Variants in ACOX1 observed in about 807,000 individuals in gnomAD.
ACOX1 encodes peroxisomal acyl-coenzyme A oxidase 1.
In ACOX1, 41 loss-of-function variants were observed where a neutral mutation model predicts 75.5. That is an observed-to-expected ratio of 0.54 (90% CI 0.42 to 0.70). The LOEUF (loss-of-function observed/expected upper bound fraction) is 0.70. Ranked by LOEUF, ACOX1 falls within the 30% of genes least tolerant of loss-of-function variation. The probability of loss-of-function intolerance (pLI) is 0.00; values close to 1 mark genes in which losing one functional copy is unlikely to be tolerated. For synonymous variants in ACOX1, 303 were observed against 298.8 expected (o/e 1.01, Z -0.15); for missense variants, 630 against 837.5 (o/e 0.75, Z 3.06).
chr17:75,950,837 A>T lies in ACOX1; in HGVS notation c.1235T>A (p.Val412Asp). 3 of 1,614,198 alleles carry T rather than the reference A, an allele frequency of 1.9e-6. No homozygotes were observed. Among genetic ancestry groups the T allele is most frequent in the South Asian group, 2.2e-5 (2 of 91,086 alleles). The change falls in exon 9 of 14, where the codon GTC (valine) becomes GAC (aspartate). Residue 412 changes from valine to aspartate, a missense_variant. Coordinates refer to ENST00000293217, the MANE Select transcript of ACOX1 (RefSeq NM_004035.7). The surrounding 1 kb of genome is among the most constrained non-coding windows in gnomAD (Gnocchi z 4.3). ...SHCSGLPNIY[V>D]NFTPSCTFEG... ...AAAGGTACAGCTTGGGGTGAAATTG[A>T]CATAAATATTTGGAAGACCACTGCA...
intron 2 of ACOX1, among the ~76,000 whole-genome samples, chr17:75,975,475 T>G (rs955420858): frequency 6.6e-6 from 1 of 152,216 alleles, no homozygotes; most frequent in Non-Finnish European, 1.5e-5. Context: ...GTCTTTTCTA[T>G]CTTACATAAA....
intron 2 of ACOX1, among the ~76,000 whole-genome samples, chr17:75,976,866 C>T (rs187420801): frequency 1.3e-5 from 2 of 151,866 alleles, no homozygotes; most frequent in East Asian, 3.9e-4. Context: ...TACTGGAGTT[C>T]CTTTAAAATG....
chr17:75,978,858 C>G lies in ACOX1; in HGVS notation c.109+107G>C, dbSNP rs769664327. 1 of 1,597,936 alleles carries G rather than the reference C, an allele frequency of 6.3e-7. No homozygotes were observed. The highest frequency in any genetic ancestry group is 1.3e-5 in the African/African-American group (1 of 74,708). On this transcript the variant is annotated intron_variant, in intron 1 of 13. Coordinates refer to ENST00000293217, the MANE Select transcript of ACOX1 (RefSeq NM_004035.7). This position sits in a 1 kb window ranked among gnomAD's most constrained non-coding sequence, Gnocchi z 4.2. The stretch of plus-strand genomic sequence containing the variant: ...CCTCGAAGTGGGGGTCCCGGCTCCC[C>G]TAACGCTGGGCCAGAGGGCCTAGGC...
chr17:75,957,373 G>T lies in ACOX1; in HGVS notation c.538+86C>A, dbSNP rs966612499. 8.0e-6 allele frequency: 10 copies of T among 1,244,966 alleles called. No individual in the cohort carries two copies. In the East Asian group the frequency reaches 2.1e-4, roughly 26 times the overall value. The allele number at this position is 1,244,966 out of a possible 1,614,324, so 77.1% of individuals were successfully genotyped here. On this transcript the variant is annotated intron_variant, in intron 4 of 13. Transcript: ENST00000293217. ...TAGGATTTCACCACCAAGTCTGGCC[G>T]ACATTATCATAAAAGCTCTACATTC... is the stretch of plus-strand genomic sequence containing the variant.
chr17:75,961,190 G>A (rs893987685), intron 2 of ACOX1, among the ~76,000 whole-genome samples: 1 of 151,206 alleles, frequency 6.6e-6, no homozygotes, highest in Non-Finnish European at 1.5e-5. Context: ...CTACTCAGGA[G>A]GCTGAGGCAG....
intron 2 of ACOX1, among the ~76,000 whole-genome samples, chr17:75,961,662 G>C (rs905622650): frequency 1.3e-5 from 2 of 150,726 alleles, no homozygotes; most frequent in Non-Finnish European, 3.0e-5. Flanking sequence ...CAAGCTACTT[G>C]GGAGACTGAG....
At chr17:75,971,164 G>A (rs181199770) in intron 2 of ACOX1, among the ~76,000 whole-genome samples, 14 of 152,072 alleles carry the variant, frequency 9.2e-5, no homozygotes, top group African/African-American at 2.2e-4. Context: ...GGTGGCACAC[G>A]CCTCTAATCC....
intron 12 of ACOX1, 44 bp downstream of exon 12, chr17:75,949,173 C>T (rs184542948): frequency 6.2e-7 from 1 of 1,612,480 alleles, no homozygotes; most frequent in Non-Finnish European, 8.5e-7. Context: ...AATTATTTTT[C>T]TTAAAACAAC....
chr17:75,954,231 C>A (rs1445718303), intron 6 of ACOX1, among the ~76,000 whole-genome samples: 107 of 135,984 alleles, frequency 7.9e-4, no homozygotes, highest in South Asian at 2.1e-3. Flanking sequence ...AAAAAAAAAA[C>A]CAAAAAATGC....
In ACOX1 at chr17:75,956,003, G is replaced by C. The variant is rs968172855; in HGVS notation, c.539-56C>G. 16 of 1,610,474 alleles carry C rather than the reference G, an allele frequency of 9.9e-6. No individual in the cohort carries two copies. The South Asian group carries it at 1.8e-4, about 18-fold the overall frequency. On this transcript the variant is annotated intron_variant, in intron 4 of 13. Coordinates refer to ENST00000293217, the MANE Select transcript of ACOX1 (RefSeq NM_004035.7). ...GGGCAAACGTTCATACATTTTTAAA[G>C]GGTAGAAAAAAGAAGAAAGAATATG...
intron 7 of ACOX1, among the ~76,000 whole-genome samples, chr17:75,952,372 A>G (rs1171695580): frequency 1.3e-5 from 2 of 151,818 alleles, no homozygotes. Context: ...TCGGCTCACT[A>G]CAACCTCCAC....
rs369996526 is a variant in ACOX1 at position 75,945,937 on chromosome 17, T to G, written c.*811A>C. 1 of 152,198 alleles carries G rather than the reference T, an allele frequency of 6.6e-6. No individual in the cohort carries two copies. The highest frequency in any genetic ancestry group is 2.4e-5 in the African/African-American group (1 of 41,452). The allele number at this position is 152,198 out of a possible 1,614,324, so 9.4% of individuals were successfully genotyped here. A position where few individuals can be genotyped will look rare whatever the true frequency, so the allele number is the denominator to read the frequency against. On this transcript the variant is annotated 3_prime_UTR_variant, in exon 14 of 14. Coordinates refer to ENST00000293217, the MANE Select transcript of ACOX1 (RefSeq NM_004035.7). ...GCCAAATACAGTAATCTCCAAGCTT[T>G]TAATGGCTTATGCCAAGATGACAGA...
chr17:75,954,925 T>C (rs1289884132), intron 6 of ACOX1, among the ~76,000 whole-genome samples: 3 of 151,324 alleles, frequency 2.0e-5, no homozygotes, highest in Non-Finnish European at 4.4e-5. Context: ...TGGAGTGCAG[T>C]GTCATGATCT....
At position 75,945,501 on chromosome 17, in the gene ACOX1, G is replaced by C. The variant is rs1394018679; in HGVS notation, c.*1247C>G. ...TCCATGGAATTAAGCCATATTCTCA[G>C]GACTGATTCTAGAACAGCTGGTTTC... On this transcript the variant is annotated 3_prime_UTR_variant, in exon 14 of 14. Coordinates refer to ENST00000293217, the MANE Select transcript of ACOX1 (RefSeq NM_004035.7). The C allele has an allele frequency of 1.3e-5, 2 of 152,534 alleles. No individual in the cohort carries two copies. Among genetic ancestry groups the C allele is most frequent in the Admixed American group, 6.6e-5 (1 of 15,246 alleles). 9.4% of individuals were successfully genotyped at this position (152,534 alleles called of 1,614,324 possible).
rs139864240 is a variant in ACOX1, at chr17:75,955,744, G to A, written c.659-63C>T. On this transcript the variant is annotated intron_variant, in intron 5 of 13. Transcript: ENST00000293217. ...CTCTGGAATTTCTGGCTTTTGCTCC[G>A]CCTCTTCAGTTGGGCATTCTACCTT... The A allele has an allele frequency of 1.1e-4, 185 of 1,610,538 alleles. No homozygotes were observed. The African/African-American group carries it at 1.9e-3, about 17-fold the overall frequency.
In ACOX1 at chr17:75,948,252, T is replaced by G; in HGVS notation, c.1934A>C (p.Glu645Ala). ...GGTGCAGAGACACTGGATTTTTACC[T>G]CTGCTTTGTTCAGTGGGGAGTTCTT... ...WAKNSPLNKA[E>A]VHESYKHLKS... Residue 645 changes from glutamate to alanine, a missense_variant and splice_region_variant, in exon 13 of 14, where the codon GAG becomes GCG. Physicochemically the swap from Glu to Ala is moderately radical, Grantham distance 107. Coordinates refer to ENST00000293217, the MANE Select transcript of ACOX1 (RefSeq NM_004035.7). 1.2e-6 allele frequency: 2 copies of G among 1,614,086 alleles called. No individual in the cohort carries two copies. The highest frequency in any genetic ancestry group is 1.7e-6 in the Non-Finnish European group (2 of 1,179,970).
chr17:75,969,001 G>C (rs1598196542), intron 2 of ACOX1, among the ~76,000 whole-genome samples: 1 of 152,182 alleles, frequency 6.6e-6, no homozygotes, highest in East Asian at 1.9e-4. Context: ...GGAAATACAG[G>C]TACAGAGCTT....
chr17:75,956,913 CTCTCTCTCTCTCTCTCTCTCTCTCT>C (rs2065829830), intron 4 of ACOX1, among the ~76,000 whole-genome samples: 2 of 42,942 alleles, frequency 4.7e-5, no homozygotes, highest in African/African-American at 2.0e-4. Context: ...TGGCTTTCCT[CTCTCTCTCTCTCTCTCTCTCTCTCT>C]CTCTCTCTCT....
rs984307651 is a variant in ACOX1 at position 75,948,238 on chromosome 17, A to G, written c.1935+13T>C. 1.2e-6 allele frequency: 2 copies of G among 1,613,568 alleles called. No homozygotes were observed. The highest frequency in any genetic ancestry group is 1.7e-6 in the Non-Finnish European group (2 of 1,179,620). ...AAGACTTTTAAAAAGGTGCAGAGAC[A>G]CTGGATTTTTACCTCTGCTTTGTTC... On this transcript the variant is annotated intron_variant, in intron 13 of 13. Coordinates refer to ENST00000293217, the MANE Select transcript of ACOX1 (RefSeq NM_004035.7).
Sources: gnomAD v4.1 joint callset for allele counts (sites outside exome capture counted in the v4.1 genomes callset) on GRCh38, gnomAD v4.1.1 for gene constraint, Gnocchi (gnomAD v3.1) non-coding constraint, MANE v1.5 for transcripts, NCBI Gene and HGNC (gene_info 2026-07-23, HGNC 2026-07-21) for gene names.